The following PCM1 variants were observed in gnomAD, a reference collection of about 807,000 sequenced individuals.
PCM1 encodes pericentriolar material 1 protein.
In PCM1, 157 loss-of-function variants were observed where a neutral mutation model predicts 241.9. That is an observed-to-expected ratio of 0.65 (90% CI 0.57 to 0.74). The LOEUF (loss-of-function observed/expected upper bound fraction) is 0.74, where lower values mean the gene tolerates loss of function less well. Ranked by LOEUF, PCM1 falls within the 30% of genes least tolerant of loss-of-function variation. PCM1 has a pLI of 0.00. For synonymous variants in PCM1, 1,085 were observed against 784.9 expected (o/e 1.38, Z -6.39); for missense variants, 3,478 against 2,360.1 (o/e 1.47, Z -9.81).
At position 18,014,586 on chromosome 8, in the gene PCM1, G is replaced by C; in HGVS notation, c.5587G>C (p.Asp1863His). The change falls in exon 36 of 39, where the codon GAC (aspartate) becomes CAC (histidine). Residue 1863 changes from aspartate (D) to histidine (H), a missense_variant and splice_region_variant. Coordinates refer to ENST00000325083, the MANE Select transcript of PCM1 (RefSeq NM_006197.4). ...TTAAGACTTTCTTTTGATGACAGAT[G>C]ACCAAAATAACTGTCCTGTGAAACC... is the stretch of plus-strand genomic sequence containing the variant. ...PLEREATSKN[D>H]QNNCPVKPCY... 1 of 1,595,218 alleles carries C rather than the reference G, an allele frequency of 6.3e-7. No homozygotes were observed. The highest frequency in any genetic ancestry group is 8.6e-7 in the Non-Finnish European group (1 of 1,168,880).
intron 36 of PCM1, among the ~76,000 whole-genome samples, chr8:18,015,180 TA>T (rs1347876432): frequency 6.6e-6 from 1 of 151,114 alleles, no homozygotes; most frequent in Non-Finnish European, 1.5e-5. Flanking sequence ...AAATTTTCAA[TA>T]AACTTAAAGG....
At chr8:18,023,158 C>G (rs1008014753) in intron 36 of PCM1, among the ~76,000 whole-genome samples, 2 of 152,058 alleles carry the variant, frequency 1.3e-5, no homozygotes, top group Non-Finnish European at 2.9e-5. Flanking sequence ...TGTATGGCAA[C>G]AAAATATATA....
At position 17,947,167 on chromosome 8, in the gene PCM1, T is replaced by C; in HGVS notation, c.784-19T>C. ...GATTTTAATAGTCAGATACAAGTAT[T>C]GTTGGTCTTATTTTCCAGGCCAGAG... On this transcript the variant is annotated intron_variant, in intron 6 of 38. Transcript: ENST00000325083. 1 of 1,524,518 alleles carries C rather than the reference T, an allele frequency of 6.6e-7. No individual in the cohort carries two copies. 94.4% of individuals were successfully genotyped at this position (1,524,518 alleles called of 1,614,324 possible). A position where few individuals can be genotyped will look rare whatever the true frequency, so the allele number is the denominator to read the frequency against.
At chr8:18,011,389 A>ATCTG (rs751995806) in intron 33 of PCM1, 23 bp downstream of exon 33, 12 of 1,517,382 alleles carry the variant, frequency 7.9e-6, no homozygotes, top group East Asian at 6.9e-5. Context: ...GCTCTGTACT[A>ATCTG]TCTTTATACT....
chr8:17,960,270 C>T (rs758150712), intron 14 of PCM1, 45 bp from the exon 15 acceptor site: 1 of 1,577,990 alleles, frequency 6.3e-7, no homozygotes, highest in Non-Finnish European at 8.6e-7. Flanking sequence ...AATGCTTCAT[C>T]ACATTTTATT....
At chr8:17,998,950 C>T (rs1273804869) in intron 29 of PCM1, among the ~76,000 whole-genome samples, 1 of 152,118 alleles carries the variant, frequency 6.6e-6, no homozygotes, top group African/African-American at 2.4e-5. Flanking sequence ...CTGTGACCAC[C>T]GGCCCATGAG....
chr8:18,020,284 A>G (rs1475953107), intron 36 of PCM1, among the ~76,000 whole-genome samples: 1 of 152,176 alleles, frequency 6.6e-6, no homozygotes, highest in Admixed American at 6.5e-5. Flanking sequence ...AAACCATCTA[A>G]AAGCAGTGAC....
intron 23 of PCM1, 145 bp downstream of exon 23, chr8:17,972,832 A>G (rs2077300197): frequency 5.0e-6 from 2 of 396,272 alleles, no homozygotes; most frequent in Non-Finnish European, 8.9e-6. Context: ...AGTTACCTTT[A>G]TATATATAAT....
In PCM1 at chr8:17,985,983, G is replaced by C; in HGVS notation, c.4306G>C (p.Glu1436Gln). ...LQDIVSRHIS[E>Q]SHEKGENVKS... Reference sequence around the variant, plus strand: ...GGACATAGTATCCAGACATATTTCTGAGAGCCATGAAAAAGGAGAAAATGT... The same window carrying C: ...GGACATAGTATCCAGACATATTTCTCAGAGCCATGAAAAAGGAGAAAATGT... The change falls in exon 26 of 39, where the codon GAG (glutamate) becomes CAG (glutamine). Residue 1436 changes from glutamate (E) to glutamine (Q), a missense_variant. Glu to Gln is a conservative substitution (Grantham distance 29). Transcript: ENST00000325083. The C allele has an allele frequency of 1.3e-6, 2 of 1,574,320 alleles. No individual in the cohort carries two copies. Among genetic ancestry groups the C allele is most frequent in the Non-Finnish European group, 1.7e-6 (2 of 1,150,366 alleles).
In PCM1 at chr8:17,937,283, G is replaced by C. The variant is rs17691680; in HGVS notation, c.246G>C (p.Thr82=). ...VGRRRTKTPH[T]FPHSRYMSQM... is the part of the protein sequence containing the mutation. ...GGCGAAGAACAAAGACTCCACATAC[G>C]TTCCCACACAGTAGATACATGAGTC... Residue 82 remains threonine, a synonymous_variant, in exon 4 of 39, where the codon ACG becomes ACC. Transcript: ENST00000325083. The C allele has an allele frequency of 1.2e-6, 2 of 1,609,958 alleles. No homozygotes were observed. The highest frequency in any genetic ancestry group is 2.2e-5 in the South Asian group (2 of 90,558).
At chr8:17,977,652 C>T (rs1224803892) in intron 23 of PCM1, among the ~76,000 whole-genome samples, 2 of 152,138 alleles carry the variant, frequency 1.3e-5, no homozygotes, top group African/African-American at 4.8e-5. Context: ...TTTGCTACTG[C>T]AAGCTACTAG....
rs373241977 is a variant in PCM1, at chr8:17,953,200, G to T, written c.1288+14G>T. 4 of 1,436,060 alleles carry T rather than the reference G, an allele frequency of 2.8e-6. No homozygotes were observed. In the South Asian group the frequency reaches 4.9e-5, roughly 18 times the overall value. The allele number at this position is 1,436,060 out of a possible 1,614,324, so 89.0% of individuals were successfully genotyped here. ...ACAATTCATCATGTGAGTAAATCTG[G>T]TTCAGCAGTATTGGGTATAAGACAC... On this transcript the variant is annotated intron_variant, in intron 9 of 38. Transcript: ENST00000325083.
At chr8:18,011,945 C>A in intron 34 of PCM1, 118 bp downstream of exon 34, 1 of 881,788 alleles carries the variant, frequency 1.1e-6, no homozygotes, top group Non-Finnish European at 1.8e-6. Flanking sequence ...TTCATGAATG[C>A]AAGCCTCATT....
At chr8:17,926,425 C>T (rs2056981380) in intron 2 of PCM1, 1 of 152,202 alleles carries the variant, frequency 6.6e-6, no homozygotes, top group Admixed American at 6.5e-5. Context: ...TATGTAATGA[C>T]TACTACAGAT....
intron 3 of PCM1, among the ~76,000 whole-genome samples, chr8:17,936,609 A>G (rs955021065): frequency 2.0e-5 from 3 of 152,144 alleles, no homozygotes; most frequent in Non-Finnish European, 4.4e-5. Flanking sequence ...TTTTAATCCT[A>G]TTTTGAAGGT....
At position 18,006,379 on chromosome 8, in the gene PCM1, A is replaced by T; in HGVS notation, c.4944A>T (p.Gln1648His). Reference sequence around the variant, plus strand: ...AGTTTGTAAAGTTCTTTCATAAACAACTTGGAAGTATATTACAGGTAAGAG... The same window carrying T: ...AGTTTGTAAAGTTCTTTCATAAACATCTTGGAAGTATATTACAGGTAAGAG... ...SKEFVKFFHK[Q>H]LGSILQDSLA... The change falls in exon 30 of 39, where the codon CAA (glutamine) becomes CAT (histidine). Residue 1648 changes from glutamine (Q) to histidine (H), a missense_variant. Gln to His is a conservative substitution (Grantham distance 24). Coordinates refer to ENST00000325083, the MANE Select transcript of PCM1 (RefSeq NM_006197.4). 1 of 1,611,538 alleles carries T rather than the reference A, an allele frequency of 6.2e-7. No individual in the cohort carries two copies. Among genetic ancestry groups the T allele is most frequent in the Non-Finnish European group, 8.5e-7 (1 of 1,177,780 alleles).
chr8:17,955,957 C>G (rs1018539161), intron 10 of PCM1: 2 of 381,764 alleles, frequency 5.2e-6, no homozygotes, highest in Non-Finnish European at 4.9e-6. Flanking sequence ...GCTGTAGAAT[C>G]AGACAGCCCT....
intron 21 of PCM1, among the ~76,000 whole-genome samples, chr8:17,968,730 A>ATATGTGTG (rs1208910297): frequency 3.3e-4 from 45 of 134,708 alleles, no homozygotes; most frequent in Admixed American, 1.4e-3. Flanking sequence ...GGATGTATAT[A>ATATGTGTG]TGTGTGTGTG....
intron 18 of PCM1, among the ~76,000 whole-genome samples, chr8:17,965,720 T>A (rs910501990): frequency 2.6e-5 from 4 of 152,200 alleles, no homozygotes; most frequent in African/African-American, 9.7e-5. Flanking sequence ...GGAAAACTAC[T>A]TGTGACATAA....
Sources: allele counts gnomAD v4.1 joint callset (sites outside exome capture counted in the v4.1 genomes callset), GRCh38; gene constraint gnomAD v4.1.1; transcripts MANE v1.5; gene names NCBI Gene and HGNC (gene_info 2026-07-23, HGNC 2026-07-21).